The following PLD1 variants were observed in gnomAD, a reference collection of about 807,000 sequenced individuals.
PLD1 encodes choline phosphatase 1.
PLD1 carries 112 observed loss-of-function variants against 137.1 expected under a neutral mutation model. The observed-to-expected ratio is 0.82, with a 90% CI of 0.70 to 0.96. The LOEUF (loss-of-function observed/expected upper bound fraction) is 0.96. Among genes scored for constraint, PLD1 ranks in the 40% least tolerant of loss-of-function variants. The pLI, the probability that PLD1 is intolerant of heterozygous loss-of-function variation, is 0.00. For missense variants in PLD1, 1,321 were observed against 1,342.0 expected (o/e 0.98, Z 0.24); for synonymous variants, 431 against 454.7 (o/e 0.95, Z 0.66).
At chr3:171,614,739 G>C (rs1006753545) in intron 24 of PLD1, among the ~76,000 whole-genome samples, 3 of 152,230 alleles carry the variant, frequency 2.0e-5, no homozygotes, top group Non-Finnish European at 4.4e-5. Flanking sequence ...GCCGCTGTCA[G>C]GCGGGGGCTG....
At chr3:171,718,377 A>T (rs1717832807) in intron 8 of PLD1, among the ~76,000 whole-genome samples, 1 of 152,204 alleles carries the variant, frequency 6.6e-6, no homozygotes, top group Admixed American at 6.5e-5. Flanking sequence ...TCACACTCAA[A>T]TTCTATAAGA....
chr3:171,692,460 C>T lies in PLD1; in HGVS notation c.1228-18G>A, dbSNP rs1398241276. ...CCTTGTTGCTGTCACAGGAGAAAAC[C>T]GATGGAGGAATGAGTATCTCTGGAG... On this transcript the variant is annotated intron_variant, in intron 12 of 26. Coordinates refer to ENST00000351298, the MANE Select transcript of PLD1 (RefSeq NM_002662.5). The T allele has an allele frequency of 5.2e-6, 6 of 1,148,852 alleles. No individual in the cohort carries two copies. Among genetic ancestry groups the T allele is most frequent in the East Asian group, 4.7e-5 (2 of 42,786 alleles). The allele number at this position is 1,148,852 out of a possible 1,614,324, so 71.2% of individuals were successfully genotyped here.
chr3:171,808,539 AAATAAT>A (rs532441752), intron 1 of PLD1, among the ~76,000 whole-genome samples: 1 of 151,878 alleles, frequency 6.6e-6, no homozygotes, highest in Non-Finnish European at 1.5e-5. Flanking sequence ...CCGTCTCAAA[AAATAAT>A]AATAATAATA....
At chr3:171,663,883 A>G (rs1711808903) in intron 19 of PLD1, among the ~76,000 whole-genome samples, 1 of 152,220 alleles carries the variant, frequency 6.6e-6, no homozygotes, top group Admixed American at 6.5e-5. Flanking sequence ...GATCCAATAC[A>G]TAATCAGTTC....
At chr3:171,678,466 C>T (rs1713612222) in intron 16 of PLD1, among the ~76,000 whole-genome samples, 1 of 152,050 alleles carries the variant, frequency 6.6e-6, no homozygotes, top group Non-Finnish European at 1.5e-5. Flanking sequence ...ATAACTGTGC[C>T]GAGACCATTG....
chr3:171,628,321 A>C (rs1426098496), intron 23 of PLD1, among the ~76,000 whole-genome samples: 2 of 152,350 alleles, frequency 1.3e-5, no homozygotes, highest in East Asian at 3.9e-4. Context: ...GAAGAAGTTG[A>C]ATCTCTGAAC....
At chr3:171,715,759 A>G (rs961845236) in intron 8 of PLD1, among the ~76,000 whole-genome samples, 4 of 151,680 alleles carry the variant, frequency 2.6e-5, no homozygotes, top group African/African-American at 9.7e-5. Context: ...CAATAGATAT[A>G]TTTTTTTCTT....
At chr3:171,731,478 T>G (rs1161291782) in intron 6 of PLD1, among the ~76,000 whole-genome samples, 1 of 152,110 alleles carries the variant, frequency 6.6e-6, no homozygotes, top group African/African-American at 2.4e-5. Flanking sequence ...ATAATCTCAG[T>G]AACCATCGAA....
rs1387154812 is a variant in PLD1, at chr3:171,764,825, G to GAAAAAGAA, written c.-31-26744_-31-26743insTTCTTTTT. 9.2e-4 allele frequency among the ~76,000 whole-genome samples: 21 copies of GAAAAAGAA among 22,776 alleles called. 9 individuals are homozygous for GAAAAAGAA. Among genetic ancestry groups the GAAAAAGAA allele is most frequent in the South Asian group, 1.7e-3 (2 of 1,146 alleles). 14.9% of individuals were successfully genotyped at this position (22,776 alleles called of 152,430 possible). A position where few individuals can be genotyped will look rare whatever the true frequency, so the allele number is the denominator to read the frequency against. ...ATGGGCAAATCAAGAAAGAAAGAAAGAGAAAGAAAGAAAGAAAGAAAGAAA... is the reference window on the plus strand; with the variant it reads ...ATGGGCAAATCAAGAAAGAAAGAAAGAAAAAGAAAGAAAGAAAGAAAGAAAGAAAGAAA... On this transcript the variant is annotated intron_variant, in intron 1 of 26. Coordinates refer to ENST00000351298, the MANE Select transcript of PLD1 (RefSeq NM_002662.5).
chr3:171,791,108 C>G (rs1007790164), intron 1 of PLD1, among the ~76,000 whole-genome samples: 3 of 152,172 alleles, frequency 2.0e-5, no homozygotes, highest in Non-Finnish European at 4.4e-5. Context: ...AATATGAGAA[C>G]TTTTCATAGT....
chr3:171,729,616 C>G (rs545822491), intron 6 of PLD1, among the ~76,000 whole-genome samples: 50 of 152,258 alleles, frequency 3.3e-4, no homozygotes, highest in Middle Eastern at 3.4e-3. Context: ...CTTGTAGACT[C>G]AGGTACTCCA....
At chr3:171,777,868 T>C (rs1722645562) in intron 1 of PLD1, among the ~76,000 whole-genome samples, 2 of 152,238 alleles carry the variant, frequency 1.3e-5, no homozygotes, top group Admixed American at 1.3e-4. Context: ...CAACAAATTA[T>C]GCCTTGCGAC....
intron 21 of PLD1, among the ~76,000 whole-genome samples, chr3:171,656,156 T>TTTTATTTATTTATTTATTTATTTATTTA (rs142427730): frequency 1.1e-3 from 156 of 145,426 alleles, no homozygotes; most frequent in South Asian, 1.3e-3. Context: ...AATACTATAA[T>TTTTATTTATTTATTTATTTATTTATTTA]TTTATTTATT....
chr3:171,689,957 A>C (rs1396658564), intron 13 of PLD1, among the ~76,000 whole-genome samples: 1 of 152,228 alleles, frequency 6.6e-6, no homozygotes, highest in African/African-American at 2.4e-5. Flanking sequence ...AAAAAGATTG[A>C]GAAAGATTGG....
At chr3:171,697,380 G>C (rs985318551) in intron 12 of PLD1, among the ~76,000 whole-genome samples, 24 of 151,816 alleles carry the variant, frequency 1.6e-4, no homozygotes, top group Non-Finnish European at 8.8e-5. Context: ...GGGTAGCTGG[G>C]ACTATAGGCG....
At chr3:171,689,564 G>A (rs1714942166) in intron 13 of PLD1, among the ~76,000 whole-genome samples, 1 of 151,880 alleles carries the variant, frequency 6.6e-6, no homozygotes, top group South Asian at 2.1e-4. Context: ...GTAGACACGT[G>A]ATCATAGCTC....
intron 25 of PLD1, among the ~76,000 whole-genome samples, chr3:171,607,812 G>A (rs947517959): frequency 6.6e-6 from 1 of 152,126 alleles, no homozygotes; most frequent in Non-Finnish European, 1.5e-5. Flanking sequence ...TAATTTTCTA[G>A]GACTTGAACT....
chr3:171,602,901 C>G lies in PLD1; in HGVS notation c.*177G>C, dbSNP rs369729920. The G allele has an allele frequency of 1.0e-5, 6 of 597,006 alleles. No homozygotes were observed. The highest frequency in any genetic ancestry group is 5.5e-5 in the East Asian group (2 of 36,304). 37.0% of individuals were successfully genotyped at this position (597,006 alleles called of 1,614,324 possible). A position where few individuals can be genotyped will look rare whatever the true frequency, so the allele number is the denominator to read the frequency against. On this transcript the variant is annotated 3_prime_UTR_variant, in exon 27 of 27. Coordinates refer to ENST00000351298, the MANE Select transcript of PLD1 (RefSeq NM_002662.5). ...AGGCAGAAGGAATTATAAAGTCTTG[C>G]TGATGTTTACAGTCCTTACATCAAT... is the stretch of plus-strand genomic sequence containing the variant.
intron 25 of PLD1, among the ~76,000 whole-genome samples, chr3:171,611,897 C>A (rs985100543): frequency 1.3e-5 from 2 of 151,882 alleles, no homozygotes; most frequent in African/African-American, 4.8e-5. Flanking sequence ...CTGGGCAGCA[C>A]AGCGAGACAC....
Sources: allele counts gnomAD v4.1 joint callset (sites outside exome capture counted in the v4.1 genomes callset), GRCh38; gene constraint gnomAD v4.1.1; transcripts MANE v1.5; gene names NCBI Gene and HGNC (gene_info 2026-07-23, HGNC 2026-07-21).